DNAAF4: variants seen among roughly 807,000 people sequenced by gnomAD.
The protein encoded by DNAAF4 is dynein assembly factor 4, axonemal.
DNAAF4 carries 43 observed loss-of-function variants against 51.8 expected under a neutral mutation model. That is an observed-to-expected ratio of 0.83 (90% CI 0.65 to 1.07). DNAAF4 has a LOEUF of 1.07. DNAAF4 is among the 50% of genes least tolerant of loss of function. The pLI is 0.00. For missense variants in DNAAF4, 581 were observed against 493.0 expected, an observed-to-expected ratio of 1.18 and a Z score of -1.69; for synonymous variants, 194 against 165.6, an observed-to-expected ratio of 1.17 and a Z score of -1.32.
intron 8 of DNAAF4, among the ~76,000 whole-genome samples, chr15:55,433,942 T>TAATATA: frequency 1.5e-3 from 1 of 652 alleles, no homozygotes; most frequent in African/African-American, 6.1e-3. Context: ...ATAAAATATA[T>TAATATA]ATAATATATA....
chr15:55,418,184 C>G (rs745377169), intron 7 of DNAAF4: 23 of 1,560,468 alleles, frequency 1.5e-5, no homozygotes, highest in Non-Finnish European at 1.7e-6. Context: ...TTTTTCAGAA[C>G]TTTATAATGG....
intron 3 of DNAAF4, among the ~76,000 whole-genome samples, chr15:55,497,182 C>A (rs917485742): frequency 3.3e-5 from 5 of 152,134 alleles, no homozygotes; most frequent in African/African-American, 1.2e-4. Flanking sequence ...ACTTTTTTCC[C>A]TGTGATGCCC....
At chr15:55,465,985 T>G (rs2058166396) in intron 5 of DNAAF4, among the ~76,000 whole-genome samples, 1 of 152,144 alleles carries the variant, frequency 6.6e-6, no homozygotes, top group Admixed American at 6.6e-5. Context: ...ACACATTGGG[T>G]GCAGTGTACA....
At chr15:55,418,486 T>TG (rs1240891367) in intron 7 of DNAAF4, 1 of 1,528,948 alleles carries the variant, frequency 6.5e-7, no homozygotes, top group Non-Finnish European at 8.8e-7. Context: ...TCAGAGCAAC[T>TG]GGATTTTATC....
chr15:55,461,892 A>G (rs1027146973), intron 5 of DNAAF4, among the ~76,000 whole-genome samples: 2 of 152,228 alleles, frequency 1.3e-5, no homozygotes, highest in Non-Finnish European at 2.9e-5. Flanking sequence ...CATTAGTAAG[A>G]TTAACCCAGA....
intron 4 of DNAAF4, among the ~76,000 whole-genome samples, chr15:55,470,242 G>T (rs190984817): frequency 6.6e-6 from 1 of 152,126 alleles, no homozygotes; most frequent in South Asian, 2.1e-4. Flanking sequence ...AGTAGAGACA[G>T]GGTTTCACCA....
rs1431418911 is a variant in DNAAF4, at chr15:55,491,233, T to C, written c.295A>G (p.Ile99Val). 6.2e-7 allele frequency: 1 copy of C among 1,613,160 alleles called. No individual in the cohort carries two copies. The highest frequency in any genetic ancestry group is 1.1e-5 in the South Asian group (1 of 90,948). Residue 99 changes from isoleucine to valine, a missense_variant, in exon 4 of 10, where the codon ATT (isoleucine) becomes GTT (valine). Transcript: ENST00000321149. ...GCTTGTAAAATAGATTTTTCTCTAA[T>C]TCTTTGCATCATCTCTTTGTCAACT... is the stretch of plus-strand genomic sequence containing the variant. ...TGVDKEMMQR[I>V]REKSILQAQE...
chr15:55,422,549 G>C (rs1369331816), intron 7 of DNAAF4, among the ~76,000 whole-genome samples: 1 of 152,108 alleles, frequency 6.6e-6, no homozygotes, highest in Non-Finnish European at 1.5e-5. Flanking sequence ...TGAAGAAAGA[G>C]GAAATTAGAA....
At chr15:55,441,368 C>A (rs941497765) in intron 6 of DNAAF4, among the ~76,000 whole-genome samples, 4 of 152,186 alleles carry the variant, frequency 2.6e-5, no homozygotes, top group Non-Finnish European at 4.4e-5. Context: ...CCATGCCCAG[C>A]CCATGTGATT....
chr15:55,449,561 G>T (rs1036993858), intron 6 of DNAAF4, among the ~76,000 whole-genome samples: 6 of 150,808 alleles, frequency 4.0e-5, no homozygotes, highest in African/African-American at 1.5e-4. Flanking sequence ...CTACTAGGGA[G>T]GCTGAGGCAG....
At chr15:55,507,219 A>G (rs918112009) in intron 1 of DNAAF4, among the ~76,000 whole-genome samples, 1 of 152,172 alleles carries the variant, frequency 6.6e-6, no homozygotes, top group Non-Finnish European at 1.5e-5. Context: ...TGGTAAAACT[A>G]TACAAACACT....
intron 4 of DNAAF4, among the ~76,000 whole-genome samples, chr15:55,489,986 G>C (rs2058548403): frequency 1.3e-5 from 2 of 150,726 alleles, no homozygotes; most frequent in Admixed American, 6.7e-5. Flanking sequence ...CGATTTTCCT[G>C]CCTCAGCCTA....
Position 55,499,461 on chromosome 15 carries a change from C to G in DNAAF4, c.-255-877G>C, listed in dbSNP as rs537161167. On this transcript the variant is annotated intron_variant, in intron 1 of 9. Transcript: ENST00000321149. ...AACCCTCCCTTTGTTCTCTGGAATG[C>G]ACCTTTGTTTTACACCTAAGGCTTC... is the stretch of plus-strand genomic sequence containing the variant. Among the ~76,000 whole-genome samples the G allele has an allele frequency of 4.1e-4, 62 of 152,312 alleles. No individual in the cohort carries two copies. The South Asian group carries it at 0.012, about 31-fold the overall frequency.
At chr15:55,460,393 T>C (rs1359458845) in intron 5 of DNAAF4, among the ~76,000 whole-genome samples, 1 of 151,936 alleles carries the variant, frequency 6.6e-6, no homozygotes, top group Non-Finnish European at 1.5e-5. Context: ...TTGGTCAGGC[T>C]GGTCTCAAAC....
intron 5 of DNAAF4, among the ~76,000 whole-genome samples, chr15:55,463,217 A>G (rs2058120942): frequency 7.2e-6 from 1 of 138,646 alleles, no homozygotes; most frequent in South Asian, 2.2e-4. Context: ...CACACAAAGC[A>G]TTTGACAAAA....
chr15:55,480,745 G>A (rs1295429600), intron 4 of DNAAF4, among the ~76,000 whole-genome samples: 2 of 152,168 alleles, frequency 1.3e-5, no homozygotes, highest in Admixed American at 1.3e-4. Context: ...TGTCCAAGGA[G>A]CTTTCAGACG....
At chr15:55,494,191 G>T (rs1037361788) in intron 3 of DNAAF4, among the ~76,000 whole-genome samples, 1 of 151,846 alleles carries the variant, frequency 6.6e-6, no homozygotes, top group Non-Finnish European at 1.5e-5. Flanking sequence ...CACCATGCCC[G>T]GCTAATTTTG....
chr15:55,497,972 C>T (rs1419592640), intron 2 of DNAAF4, 113 bp from the exon 3 acceptor site: 5 of 1,411,746 alleles, frequency 3.5e-6, no homozygotes, highest in Admixed American at 2.5e-5. Flanking sequence ...TAAATTTATG[C>T]CAGGTAGTGA....
At chr15:55,480,223 G>A (rs866022793) in intron 4 of DNAAF4, among the ~76,000 whole-genome samples, 1 of 152,044 alleles carries the variant, frequency 6.6e-6, no homozygotes, top group Non-Finnish European at 1.5e-5. Context: ...TGTCACCCCC[G>A]ATGGCCCAGC....
Sources: allele counts gnomAD v4.1 joint callset (sites outside exome capture counted in the v4.1 genomes callset), GRCh38; gene constraint gnomAD v4.1.1; transcripts MANE v1.5; gene names NCBI Gene and HGNC (gene_info 2026-07-23, HGNC 2026-07-21).